DSCAM: variants seen among roughly 807,000 people sequenced by gnomAD.
DSCAM encodes the protein cell adhesion molecule DSCAM.
In DSCAM, 47 loss-of-function variants were observed where a neutral mutation model predicts 217.7. The observed-to-expected ratio is 0.22, with a 90% CI of 0.17 to 0.28. The LOEUF (loss-of-function observed/expected upper bound fraction) is 0.28, where lower values mean the gene tolerates loss of function less well. DSCAM is among the 10% of genes least tolerant of loss of function. The pLI, the probability that DSCAM is intolerant of heterozygous loss-of-function variation, is 1.00. For synonymous variants in DSCAM, 1,056 were observed against 1,015.3 expected (o/e 1.04, Z -0.76); for missense variants, 2,080 against 2,618.3 (o/e 0.79, Z 4.49).
intron 1 of DSCAM, among the ~76,000 whole-genome samples, chr21:40,812,279 G>A (rs571605453): frequency 6.6e-6 from 1 of 152,184 alleles, no homozygotes; most frequent in Non-Finnish European, 1.5e-5. Flanking sequence ...GCAAGAATAT[G>A]TTCTCCCCTT....
intron 1 of DSCAM, among the ~76,000 whole-genome samples, chr21:40,815,163 A>T (rs1353397036): frequency 6.6e-6 from 1 of 152,142 alleles, no homozygotes; most frequent in Non-Finnish European, 1.5e-5. Context: ...TGTTAGTTCC[A>T]GTTCCCAAAG....
At chr21:40,211,922 T>A (rs1210891760) in intron 11 of DSCAM, among the ~76,000 whole-genome samples, 1 of 151,596 alleles carries the variant, frequency 6.6e-6, no homozygotes. Flanking sequence ...CACAAATTTG[T>A]GTGTGTGTGG....
chr21:40,167,394 G>A, intron 15 of DSCAM, 106 bp from the exon 16 acceptor site: 1 of 959,130 alleles, frequency 1.0e-6, no homozygotes, highest in Non-Finnish European at 1.6e-6. Flanking sequence ...CCTATGTTTG[G>A]CACAGAGAAA....
intron 3 of DSCAM, among the ~76,000 whole-genome samples, chr21:40,626,478 C>A (rs192195779): frequency 1.3e-5 from 2 of 152,288 alleles, no homozygotes; most frequent in East Asian, 1.9e-4. Flanking sequence ...ATGTTATACT[C>A]CTTCTTAGAA....
At chr21:40,088,063 G>A (rs2089555203) in intron 21 of DSCAM, among the ~76,000 whole-genome samples, 1 of 152,202 alleles carries the variant, frequency 6.6e-6, no homozygotes, top group Non-Finnish European at 1.5e-5. Context: ...AAAACAATCT[G>A]CTCAGTCTTT....
intron 32 of DSCAM, among the ~76,000 whole-genome samples, chr21:40,037,162 C>T (rs2088641291): frequency 6.7e-6 from 1 of 149,294 alleles, no homozygotes; most frequent in African/African-American, 2.6e-5. Context: ...GAAGTTCTGG[C>T]CAGGGCAATT....
rs34336407 is a variant in DSCAM at position 40,312,163 on chromosome 21, C to G, written c.1980G>C (p.Ser660=). Residue 660 remains serine (S), a synonymous_variant, in exon 9 of 33, where the codon TCG becomes TCC. Transcript: ENST00000400454. ...AGGTGTAATTCCCATTGTGCATGAG[C>G]GAGAGATTGGAAATCCTCAAGGAGC... ...FTSSLRISNL[S]LMHNGNYTCI... 6.2e-7 allele frequency: 1 copy of G among 1,613,704 alleles called. No homozygotes were observed. The highest frequency in any genetic ancestry group is 1.3e-5 in the African/African-American group (1 of 74,800).
chr21:40,124,856 T>C (rs1266782776), intron 19 of DSCAM, among the ~76,000 whole-genome samples: 1 of 152,162 alleles, frequency 6.6e-6, no homozygotes, highest in Non-Finnish European at 1.5e-5. Flanking sequence ...TACAGTCAGT[T>C]CTAGTCCCTC....
chr21:40,043,903 G>A (rs2088799405), intron 31 of DSCAM, among the ~76,000 whole-genome samples, 175 bp downstream of exon 31: 1 of 152,218 alleles, frequency 6.6e-6, no homozygotes, highest in Non-Finnish European at 1.5e-5. Context: ...AGTAAAGGCT[G>A]TGCAGTTGTA....
intron 3 of DSCAM, among the ~76,000 whole-genome samples, chr21:40,494,450 G>A (rs1048900700): frequency 2.0e-5 from 3 of 152,202 alleles, no homozygotes; most frequent in Non-Finnish European, 2.9e-5. Flanking sequence ...AATTTTGGAA[G>A]ATTCACACAT....
chr21:40,125,345 AGGT>A (rs2090082747), intron 19 of DSCAM, among the ~76,000 whole-genome samples: 1 of 152,212 alleles, frequency 6.6e-6, no homozygotes, highest in South Asian at 2.1e-4. Flanking sequence ...AAAATGTCAA[AGGT>A]GCCAGTGAGG....
At position 40,097,961 on chromosome 21, in the gene DSCAM, AGAAAGAAAGAAAGAAAGAAAG is replaced by A. The variant is rs1568939052; in HGVS notation, c.3697-4108_3697-4088del. The stretch of plus-strand genomic sequence containing the variant: ...GTCTCAAAAAAAAAAAAAAAAAGAA[AGAAAGAAAGAAAGAAAGAAAG>A]AAAGAAAGAAAGAAAGAAAGAAAGA... On this transcript the variant is annotated intron_variant, in intron 20 of 32. Coordinates refer to ENST00000400454, the MANE Select transcript of DSCAM (RefSeq NM_001389.5). Among the ~76,000 whole-genome samples the A allele has an allele frequency of 5.4e-3, 340 of 62,474 alleles. 67 individuals carry two copies. Among genetic ancestry groups the A allele is most frequent in the African/African-American group, 0.023 (261 of 11,114 alleles). 41.0% of individuals were successfully genotyped at this position (62,474 alleles called of 152,430 possible).
intron 3 of DSCAM, among the ~76,000 whole-genome samples, chr21:40,678,015 A>G (rs1256504255): frequency 6.6e-6 from 1 of 152,088 alleles, no homozygotes; most frequent in Non-Finnish European, 1.5e-5. Flanking sequence ...ACAGGTAAAC[A>G]TTTTCAGATA....
chr21:40,657,325 T>C (rs2090087419), intron 3 of DSCAM, among the ~76,000 whole-genome samples: 1 of 152,190 alleles, frequency 6.6e-6, no homozygotes, highest in Admixed American at 6.5e-5. Context: ...ACAAGGAATA[T>C]ATCAATAATT....
At chr21:40,489,244 A>C (rs1331676296) in intron 3 of DSCAM, among the ~76,000 whole-genome samples, 1 of 152,172 alleles carries the variant, frequency 6.6e-6, no homozygotes, top group East Asian at 1.9e-4. Context: ...GACCTCATCC[A>C]ATCAGTTAAA....
intron 5 of DSCAM, among the ~76,000 whole-genome samples, chr21:40,351,257 T>C (rs931309045): frequency 8.5e-5 from 13 of 152,054 alleles, no homozygotes; most frequent in African/African-American, 2.9e-4. Flanking sequence ...TGGCAGGATG[T>C]AGAAAGGAAA....
intron 3 of DSCAM, among the ~76,000 whole-genome samples, chr21:40,544,943 C>T (rs953777396): frequency 1.7e-4 from 26 of 150,838 alleles, no homozygotes; most frequent in African/African-American, 6.3e-4. Flanking sequence ...AGAATAGGCG[C>T]CAGAATTCAA....
chr21:40,622,946 C>T (rs2089542393), intron 3 of DSCAM, among the ~76,000 whole-genome samples: 1 of 151,052 alleles, frequency 6.6e-6, no homozygotes, highest in Non-Finnish European at 1.5e-5. Context: ...AATAAACAAA[C>T]ATCACATTAG....
intron 4 of DSCAM, among the ~76,000 whole-genome samples, chr21:40,354,848 C>CAAAAAAAAAAAAAA (rs11314417): frequency 8.9e-6 from 1 of 112,390 alleles, no homozygotes; most frequent in Non-Finnish European, 1.8e-5. Context: ...AACTCTGTCT[C>CAAAAAAAAAAAAAA]AAAAAAAAAA....
Sources: gnomAD v4.1 joint callset for allele counts (sites outside exome capture counted in the v4.1 genomes callset) on GRCh38, gnomAD v4.1.1 for gene constraint, MANE v1.5 for transcripts, NCBI Gene and HGNC (gene_info 2026-07-23, HGNC 2026-07-21) for gene names.